The following ARRDC1 variants were observed in gnomAD, a reference collection of about 807,000 sequenced individuals.
ARRDC1 encodes the protein arrestin domain containing 1.
Under a neutral mutation model 40.1 loss-of-function variants are expected in ARRDC1, and 37 were observed. That is an observed-to-expected ratio of 0.92 (90% CI 0.71 to 1.21). The LOEUF is 1.21. ARRDC1 is among the 50% of genes most tolerant of loss of function. ARRDC1 has a pLI of 0.00. For synonymous variants in ARRDC1, 310 were observed against 262.5 expected (o/e 1.18, Z -1.75); for missense variants, 641 against 581.9 (o/e 1.10, Z -1.04).
chr9:137,606,379 C>T (rs1444777764), intron 1 of ARRDC1, among the ~76,000 whole-genome samples: 1 of 152,162 alleles, frequency 6.6e-6, no homozygotes, highest in Non-Finnish European at 1.5e-5. Context: ...AGGTGAGGGC[C>T]GGCCCGCGAG....
rs763785406 is a variant in ARRDC1 at position 137,614,928 on chromosome 9, T to C, written c.1165T>C (p.Ser389Pro). Reference sequence around the variant, plus strand: ...CACTGTCCCCTACTTTGCAGAGGGCTCCGGGGGGCCAGTGCCCACTACCAG... The same window carrying C: ...CACTGTCCCCTACTTTGCAGAGGGCCCCGGGGGGCCAGTGCCCACTACCAG... ...GATVPYFAEGSGGPVPTTSTL... is the reference protein window; with the variant it reads ...GATVPYFAEGPGGPVPTTSTL... The change falls in exon 7 of 8, where the codon TCC (serine) becomes CCC (proline). Residue 389 changes from serine to proline, a missense_variant. Ser to Pro is a moderately conservative substitution (Grantham distance 74). Coordinates refer to ENST00000371421, the MANE Select transcript of ARRDC1 (RefSeq NM_152285.4). The C allele has an allele frequency of 3.1e-6, 5 of 1,613,790 alleles. No individual in the cohort carries two copies.
chr9:137,613,154 T>C (rs1353036672), intron 2 of ARRDC1, 148 bp downstream of exon 2: 1 of 797,372 alleles, frequency 1.3e-6, no homozygotes. Flanking sequence ...CCCTGATGGC[T>C]TTCTCATAGG....
chr9:137,606,591 C>T (rs562186396), intron 1 of ARRDC1, among the ~76,000 whole-genome samples: 2 of 152,380 alleles, frequency 1.3e-5, no homozygotes, highest in East Asian at 1.9e-4. Flanking sequence ...AGTCTCTGTT[C>T]TGTCCTCTCA....
Position 137,612,290 on chromosome 9 carries a change from C to T in ARRDC1, c.119-606C>T, listed in dbSNP as rs1008258311. On this transcript the variant is annotated intron_variant, in intron 1 of 7. Transcript: ENST00000371421. ...GCAGTTCCTGGTCTGGGCACTCCCC[C>T]AGGGAGGCCGGAGAGGACTGAGCCG... The T allele has an allele frequency of 3.9e-5, 6 of 154,828 alleles. No homozygotes were observed. The Admixed American group carries it at 3.9e-4, about 10-fold the overall frequency. The allele number at this position is 154,828 out of a possible 1,614,324, so 9.6% of individuals were successfully genotyped here. A position where few individuals can be genotyped will look rare whatever the true frequency, so the allele number is the denominator to read the frequency against.
At chr9:137,613,083 C>T (rs931218814) in intron 2 of ARRDC1, 77 bp downstream of exon 2, 2 of 1,116,590 alleles carry the variant, frequency 1.8e-6, no homozygotes, top group East Asian at 2.5e-5. Context: ...TCCTGTCCTC[C>T]CCCTTTCCTA....
At chr9:137,613,426 G>A (rs1420634489) in intron 2 of ARRDC1, 34 bp from the exon 3 acceptor site, 1 of 1,603,656 alleles carries the variant, frequency 6.2e-7, no homozygotes, top group Non-Finnish European at 8.5e-7. Flanking sequence ...ACCTCAGGGG[G>A]GGACTGCCCC....
chr9:137,610,506 A>G (rs189981135), intron 1 of ARRDC1, among the ~76,000 whole-genome samples: 4 of 149,566 alleles, frequency 2.7e-5, no homozygotes, highest in Admixed American at 1.3e-4. Flanking sequence ...AGTGATCCTC[A>G]TGCCTCAGCC....
At chr9:137,609,716 G>A (rs1389816393) in intron 1 of ARRDC1, among the ~76,000 whole-genome samples, 3 of 152,038 alleles carry the variant, frequency 2.0e-5, no homozygotes, top group African/African-American at 7.3e-5. Flanking sequence ...GGTAGAGATG[G>A]GGTTTCACCG....
Position 137,614,751 on chromosome 9 carries a change from G to A in ARRDC1, c.988G>A (p.Asp330Asn). The A allele has an allele frequency of 6.2e-7, 1 of 1,609,410 alleles. No homozygotes were observed. Among genetic ancestry groups the A allele is most frequent in the Admixed American group, 1.7e-5 (1 of 59,474 alleles). The change falls in exon 7 of 8, where the codon GAC (aspartate) becomes AAC (asparagine). Residue 330 changes from aspartate to asparagine, a missense_variant. Asp to Asn is a conservative substitution (Grantham distance 23). Coordinates refer to ENST00000371421, the MANE Select transcript of ARRDC1 (RefSeq NM_152285.4). Reference sequence around the variant, plus strand: ...TGCGGCTGGCGGCCCCCACTTCTTGGACCCCGTCTTCCTCTCCACCAAGAG... The same window carrying A: ...TGCGGCTGGCGGCCCCCACTTCTTGAACCCCGTCTTCCTCTCCACCAAGAG... ...EAAAGGPHFLDPVFLSTKSHS... is the reference protein window; with the variant it reads ...EAAAGGPHFLNPVFLSTKSHS...
In ARRDC1 at chr9:137,614,953, G is replaced by T; in HGVS notation, c.1190G>T (p.Ser397Ile). 1 of 1,613,866 alleles carries T rather than the reference G, an allele frequency of 6.2e-7. No individual in the cohort carries two copies. Among genetic ancestry groups the T allele is most frequent in the Non-Finnish European group, 8.5e-7 (1 of 1,179,986 alleles). ...TCCGGGGGGCCAGTGCCCACTACCAGCACCTTGATTCTTCCTCCAGAGTAC... is the reference window on the plus strand; with the variant it reads ...TCCGGGGGGCCAGTGCCCACTACCATCACCTTGATTCTTCCTCCAGAGTAC... The part of the protein sequence containing the change: ...EGSGGPVPTT[S>I]TLILPPEYSS... The change falls in exon 7 of 8, where the codon AGC (serine) becomes ATC (isoleucine). Residue 397 changes from serine to isoleucine, a missense_variant. By Grantham distance (142) the Ser-to-Ile change is moderately radical. Transcript: ENST00000371421.
chr9:137,607,623 C>T (rs1348997305), intron 1 of ARRDC1, among the ~76,000 whole-genome samples: 1 of 152,216 alleles, frequency 6.6e-6, no homozygotes, highest in Non-Finnish European at 1.5e-5. Context: ...ATTCTCTCCA[C>T]GTGCCACGGG....
At position 137,612,974 on chromosome 9, in the gene ARRDC1, A is replaced by G; in HGVS notation, c.197A>G (p.Tyr66Cys). Reference sequence around the variant, plus strand: ...ACAGCGTGGGTAGTGGAGGAGGGTTACTTCAACAGTTCCCTGTCGCTGGCA... The same window carrying G: ...ACAGCGTGGGTAGTGGAGGAGGGTTGCTTCAACAGTTCCCTGTCGCTGGCA... ...NDTAWVVEEGYFNSSLSLADK... is the reference protein window; with the variant it reads ...NDTAWVVEEGCFNSSLSLADK... Residue 66 changes from tyrosine to cysteine, a missense_variant, in exon 2 of 8, where the codon TAC (tyrosine) becomes TGC (cysteine). Tyr to Cys is a radical substitution (Grantham distance 194). Coordinates refer to ENST00000371421, the MANE Select transcript of ARRDC1 (RefSeq NM_152285.4). 1 of 1,614,114 alleles carries G rather than the reference A, an allele frequency of 6.2e-7. No individual in the cohort carries two copies. The highest frequency in any genetic ancestry group is 8.5e-7 in the Non-Finnish European group (1 of 1,179,970).
intron 1 of ARRDC1, among the ~76,000 whole-genome samples, chr9:137,609,546 TTTTA>T (rs1361894562): frequency 1.3e-5 from 2 of 151,354 alleles, no homozygotes; most frequent in Non-Finnish European, 2.9e-5. Flanking sequence ...AAGACATTGA[TTTTA>T]TTTGAGATGA....
intron 1 of ARRDC1, among the ~76,000 whole-genome samples, chr9:137,608,331 G>A (rs1270609829): frequency 2.0e-5 from 3 of 152,212 alleles, no homozygotes; most frequent in Non-Finnish European, 4.4e-5. Context: ...GGCTTGCAGG[G>A]CCCCTGCAAA....
At chr9:137,606,419 G>GT (rs1842424752) in intron 1 of ARRDC1, among the ~76,000 whole-genome samples, 1 of 152,228 alleles carries the variant, frequency 6.6e-6, no homozygotes, top group Non-Finnish European at 1.5e-5. Context: ...GCCCTTGGCT[G>GT]TGAGTGCCGC....
intron 1 of ARRDC1, chr9:137,612,672 G>A (rs905978885): frequency 7.9e-6 from 4 of 508,094 alleles, no homozygotes; most frequent in African/African-American, 1.9e-5. Context: ...GGCAGACGTC[G>A]TTTTGTGCTG....
chr9:137,612,747 C>T, intron 1 of ARRDC1, 149 bp from the exon 2 acceptor site: 1 of 618,228 alleles, frequency 1.6e-6, no homozygotes. Context: ...CAGATGTCCT[C>T]TGAAGTGGCA....
chr9:137,605,686 G>T lies in ARRDC1; in HGVS notation c.-32G>T. Reference sequence around the variant, plus strand: ...GGACTCGCGGGCGGCGGGCGGGGGCGTCGCTGCGCGGCTGGCCGGTGAGGC... The same window carrying T: ...GGACTCGCGGGCGGCGGGCGGGGGCTTCGCTGCGCGGCTGGCCGGTGAGGC... On this transcript the variant is annotated 5_prime_UTR_variant, in exon 1 of 8. Transcript: ENST00000371421. The T allele has an allele frequency of 2.3e-6, 3 of 1,289,496 alleles. No homozygotes were observed. Among genetic ancestry groups the T allele is most frequent in the Non-Finnish European group, 3.0e-6 (3 of 1,014,472 alleles). 79.9% of individuals were successfully genotyped at this position (1,289,496 alleles called of 1,614,324 possible). A position where few individuals can be genotyped will look rare whatever the true frequency, so the allele number is the denominator to read the frequency against.
Position 137,614,222 on chromosome 9 carries a change from C to A in ARRDC1, c.618+8C>A. The A allele has an allele frequency of 6.3e-7, 1 of 1,584,612 alleles. No individual in the cohort carries two copies. The highest frequency in any genetic ancestry group is 8.6e-7 in the Non-Finnish European group (1 of 1,161,668). The stretch of plus-strand genomic sequence containing the variant: ...GTGGCCAGTCTGCTGCAGGTCAGAG[C>A]CCCCGCCAGTTGCCTGGACCGGCCT... On this transcript the variant is annotated splice_region_variant and intron_variant, in intron 5 of 7. Coordinates refer to ENST00000371421, the MANE Select transcript of ARRDC1 (RefSeq NM_152285.4).
Sources: allele counts gnomAD v4.1 joint callset (sites outside exome capture counted in the v4.1 genomes callset), GRCh38; gene constraint gnomAD v4.1.1; transcripts MANE v1.5; gene names NCBI Gene and HGNC (gene_info 2026-07-23, HGNC 2026-07-21).